The following EPB41L4B variants were observed in gnomAD, a reference collection of about 807,000 sequenced individuals.
EPB41L4B encodes band 4.1-like protein 4B.
A neutral mutation model predicts 112.5 loss-of-function variants in EPB41L4B; 30 were observed. That is an observed-to-expected ratio of 0.27 (90% CI 0.20 to 0.36). The LOEUF (loss-of-function observed/expected upper bound fraction) is 0.36. Ranked by LOEUF, EPB41L4B falls within the 10% of genes least tolerant of loss-of-function variation. EPB41L4B has a pLI of 1.00. For synonymous variants in EPB41L4B, 408 were observed against 439.7 expected (o/e 0.93, Z 0.90); for missense variants, 1,024 against 1,133.3 (o/e 0.90, Z 1.38).
intron 22 of EPB41L4B, among the ~76,000 whole-genome samples, chr9:109,191,005 T>G (rs1178564486): frequency 6.6e-6 from 1 of 152,118 alleles, no homozygotes; most frequent in African/African-American, 2.4e-5. Context: ...TCCCCTGAGA[T>G]AGAGACCTGT....
chr9:109,318,790 A>C (rs1837730544), intron 1 of EPB41L4B, among the ~76,000 whole-genome samples: 1 of 152,192 alleles, frequency 6.6e-6, no homozygotes, highest in Admixed American at 6.5e-5. Context: ...AAAAGGCCCC[A>C]AAAGGGTATT....
intron 25 of EPB41L4B, among the ~76,000 whole-genome samples, chr9:109,175,063 C>T (rs907170777): frequency 2.6e-5 from 4 of 151,868 alleles, no homozygotes; most frequent in Non-Finnish European, 4.4e-5. Context: ...ATTACAGGCA[C>T]GTGCCACCAT....
chr9:109,302,795 T>C (rs1298267133), intron 1 of EPB41L4B, among the ~76,000 whole-genome samples: 1 of 152,128 alleles, frequency 6.6e-6, no homozygotes, highest in East Asian at 1.9e-4. Flanking sequence ...TGTACCAGGG[T>C]GCAGCTGCCT....
At chr9:109,301,912 TAAAC>T (rs973226826) in intron 1 of EPB41L4B, among the ~76,000 whole-genome samples, 23 of 152,076 alleles carry the variant, frequency 1.5e-4, no homozygotes, top group African/African-American at 4.1e-4. Flanking sequence ...CAAAAATAAA[TAAAC>T]AAACAACTCC....
chr9:109,288,193 GAGGATGCAGCAAC>G (rs1272660737), intron 1 of EPB41L4B, among the ~76,000 whole-genome samples: 1 of 152,254 alleles, frequency 6.6e-6, no homozygotes, highest in Non-Finnish European at 1.5e-5. Flanking sequence ...GCTGCTGCGA[GAGGATGCAGCAAC>G]AGGGTGCCAT....
intron 15 of EPB41L4B, chr9:109,241,750 T>C: frequency 4.3e-6 from 7 of 1,614,192 alleles, no homozygotes; most frequent in African/African-American, 1.3e-5. Flanking sequence ...ATAATCAAAA[T>C]GGCTGTCATC....
intron 15 of EPB41L4B, among the ~76,000 whole-genome samples, chr9:109,230,182 T>C (rs1448861203): frequency 8.5e-5 from 13 of 152,320 alleles, no homozygotes; most frequent in African/African-American, 4.8e-5. Context: ...CAATTATTAT[T>C]ATCTTCATTT....
At chr9:109,210,323 T>C (rs1833122827) in intron 17 of EPB41L4B, among the ~76,000 whole-genome samples, 1 of 152,216 alleles carries the variant, frequency 6.6e-6, no homozygotes, top group Non-Finnish European at 1.5e-5. Flanking sequence ...ATCAAGATAA[T>C]TGAATGGATA....
At chr9:109,301,110 A>C (rs1836948845) in intron 1 of EPB41L4B, 1 of 152,256 alleles carries the variant, frequency 6.6e-6, no homozygotes, top group Non-Finnish European at 1.5e-5. Flanking sequence ...TGGCAATTTG[A>C]AAACACAAAA....
intron 15 of EPB41L4B, among the ~76,000 whole-genome samples, chr9:109,224,035 A>T (rs956308853): frequency 9.2e-5 from 14 of 151,436 alleles, no homozygotes; most frequent in Admixed American, 2.0e-4. Flanking sequence ...AAAATAAAAT[A>T]AAAATAAAAT....
chr9:109,197,036 T>C (rs1047422613), intron 20 of EPB41L4B, among the ~76,000 whole-genome samples: 3 of 152,254 alleles, frequency 2.0e-5, no homozygotes, highest in Non-Finnish European at 2.9e-5. Flanking sequence ...AAAATGATGA[T>C]GTAAAAAATA....
chr9:109,176,457 A>C, intron 25 of EPB41L4B, 94 bp downstream of exon 25: 1 of 1,323,850 alleles, frequency 7.6e-7, no homozygotes, highest in Non-Finnish European at 1.0e-6. Context: ...GAATGTAGGA[A>C]AGGCCTGTAC....
chr9:109,273,115 A>G (rs547733424), intron 2 of EPB41L4B, among the ~76,000 whole-genome samples: 55 of 152,298 alleles, frequency 3.6e-4, no homozygotes, highest in African/African-American at 1.3e-3. Context: ...CTTCCTTGGA[A>G]TCATCTAAAT....
At chr9:109,237,458 AGT>A (rs1834187243) in intron 15 of EPB41L4B, among the ~76,000 whole-genome samples, 1 of 152,190 alleles carries the variant, frequency 6.6e-6, no homozygotes, top group Non-Finnish European at 1.5e-5. Flanking sequence ...TGGAATAGTG[AGT>A]GTGGTTTTAC....
At chr9:109,271,934 T>C (rs1253285190) in intron 2 of EPB41L4B, among the ~76,000 whole-genome samples, 2 of 152,210 alleles carry the variant, frequency 1.3e-5, no homozygotes, top group African/African-American at 2.4e-5. Context: ...GGCCCATCTG[T>C]TCCAATAGTA....
In EPB41L4B at chr9:109,304,921, C is replaced by CCAGGTAA. The variant is rs1360021825; in HGVS notation, c.306+15219_306+15220insTTACCTG. On this transcript the variant is annotated intron_variant, in intron 1 of 25. Transcript: ENST00000374566. ...GACGGCTCAACAGGTAGAGGGTTTC[C>CCAGGTAA]TTTTGGGGTGATGACAATATTCCAG... Among the ~76,000 whole-genome samples the CCAGGTAA allele has an allele frequency of 8.5e-5, 13 of 152,160 alleles. 1 individual carries two copies. The highest frequency in any genetic ancestry group is 3.1e-4 in the African/African-American group (13 of 41,474).
intron 4 of EPB41L4B, 29 bp from the exon 5 acceptor site, chr9:109,265,053 G>C (rs1413561680): frequency 1.9e-6 from 3 of 1,588,830 alleles, no homozygotes; most frequent in Non-Finnish European, 1.7e-6. Context: ...AGTCAACAGA[G>C]GGTAACTCTT....
intron 1 of EPB41L4B, among the ~76,000 whole-genome samples, chr9:109,293,024 C>T (rs929953890): frequency 1.4e-4 from 21 of 152,184 alleles, no homozygotes; most frequent in African/African-American, 4.6e-4. Context: ...ACACTCCACA[C>T]GAGCCCACCT....
chr9:109,319,359 C>A (rs1457388387), intron 1 of EPB41L4B, among the ~76,000 whole-genome samples: 2 of 152,148 alleles, frequency 1.3e-5, no homozygotes, highest in African/African-American at 4.8e-5. Context: ...CCCGCCGACC[C>A]CACGCACGGT....
Sources: gnomAD v4.1 joint callset for allele counts (sites outside exome capture counted in the v4.1 genomes callset) on GRCh38, gnomAD v4.1.1 for gene constraint, MANE v1.5 for transcripts, NCBI Gene and HGNC (gene_info 2026-07-23, HGNC 2026-07-21) for gene names.